HS3ST4: variants seen among roughly 807,000 people sequenced by gnomAD.
The protein encoded by HS3ST4 is heparan sulfate-glucosamine 3-sulfotransferase 4, also known as heparan sulfate glucosamine 3-O-sulfotransferase 4.
In HS3ST4, 17 loss-of-function variants were observed where a neutral mutation model predicts 29.2. That is an observed-to-expected ratio of 0.58 (90% CI 0.40 to 0.87). HS3ST4 has a LOEUF of 0.87. HS3ST4 is among the 40% of genes least tolerant of loss of function. The pLI, the probability that HS3ST4 is intolerant of heterozygous loss-of-function variation, is 0.00. For synonymous variants in HS3ST4, 314 were observed against 285.7 expected, an observed-to-expected ratio of 1.10 and a Z score of -1.00; for missense variants, 627 against 634.5, an observed-to-expected ratio of 0.99 and a Z score of 0.13.
intron 1 of HS3ST4, among the ~76,000 whole-genome samples, chr16:25,859,350 A>G (rs941106775): frequency 6.6e-6 from 1 of 152,232 alleles, no homozygotes; most frequent in Non-Finnish European, 1.5e-5. Context: ...CTATGAGTTT[A>G]CTATAGCATC....
Position 25,979,630 on chromosome 16 carries a change from C to T in HS3ST4, c.735-155982C>T, listed in dbSNP as rs567854847. On this transcript the variant is annotated intron_variant, in intron 1 of 1. Coordinates refer to ENST00000331351, the MANE Select transcript of HS3ST4 (RefSeq NM_006040.3). ...CAGGGCTCCCACTGATTCTACATTA[C>T]AGTGAGTTGTATAATTATTTCATTA... Among the ~76,000 whole-genome samples the T allele has an allele frequency of 3.9e-5, 6 of 152,262 alleles. No individual in the cohort carries two copies. The East Asian group carries it at 1.2e-3, about 29-fold the overall frequency.
At chr16:25,990,832 C>A (rs1245247042) in intron 1 of HS3ST4, among the ~76,000 whole-genome samples, 9 of 152,210 alleles carry the variant, frequency 5.9e-5, no homozygotes, top group Non-Finnish European at 1.3e-4. Context: ...GCCCTAGACA[C>A]ACAAGAGGGC....
Position 25,694,945 on chromosome 16 carries a change from G to A in HS3ST4, c.734+1794G>A, listed in dbSNP as rs535260326. Among the ~76,000 whole-genome samples, 8 of 152,208 alleles carry A rather than the reference G, an allele frequency of 5.3e-5. No homozygotes were observed. In the South Asian group the frequency reaches 8.3e-4, roughly 16 times the overall value. On this transcript the variant is annotated intron_variant, in intron 1 of 1. Coordinates refer to ENST00000331351, the MANE Select transcript of HS3ST4 (RefSeq NM_006040.3). ...AAAATAAAGTTAATGAAGGATGTGT[G>A]GTGGAATGTGTATCAGGAAGTCTTA...
chr16:25,934,515 C>T (rs1252321296), intron 1 of HS3ST4, among the ~76,000 whole-genome samples: 1 of 152,284 alleles, frequency 6.6e-6, no homozygotes, highest in Middle Eastern at 3.4e-3. Context: ...ATTGTGGGCT[C>T]CTGGATACTG....
intron 1 of HS3ST4, among the ~76,000 whole-genome samples, chr16:25,887,515 T>C (rs1330330978): frequency 6.6e-6 from 1 of 152,050 alleles, no homozygotes. Context: ...CAGATATAAA[T>C]AAATTCCCAC....
At chr16:25,717,689 G>A (rs1966465486) in intron 1 of HS3ST4, among the ~76,000 whole-genome samples, 1 of 152,130 alleles carries the variant, frequency 6.6e-6, no homozygotes, top group Non-Finnish European at 1.5e-5. Flanking sequence ...GGATGAAGCT[G>A]GAGAGGAAAG....
intron 1 of HS3ST4, among the ~76,000 whole-genome samples, chr16:25,795,279 C>T (rs536846829): frequency 1.3e-5 from 2 of 151,996 alleles, no homozygotes; most frequent in East Asian, 3.9e-4. Flanking sequence ...CCCCCCATCC[C>T]GCCTTTTCTT....
intron 1 of HS3ST4, among the ~76,000 whole-genome samples, chr16:26,135,093 G>A (rs1898261998): frequency 2.0e-5 from 3 of 151,768 alleles, no homozygotes; most frequent in Admixed American, 1.3e-4. Context: ...GGAGGCAGGA[G>A]GTAGTTTGCC....
intron 1 of HS3ST4, among the ~76,000 whole-genome samples, chr16:25,881,531 GT>G (rs1393030472): frequency 1.3e-5 from 2 of 152,168 alleles, no homozygotes; most frequent in African/African-American, 4.8e-5. Flanking sequence ...TTCAAAAGGG[GT>G]TGAGAGGCAA....
At position 25,811,341 on chromosome 16, in the gene HS3ST4, T is replaced by C. The variant is rs553760799; in HGVS notation, c.734+118190T>C. The stretch of plus-strand genomic sequence containing the variant: ...CATGAAGAAGAGGAAGATGAAGACC[T>C]TTCTGATTATCCACTTTCACTTAAT... On this transcript the variant is annotated intron_variant, in intron 1 of 1. Transcript: ENST00000331351. Among the ~76,000 whole-genome samples the C allele has an allele frequency of 2.0e-5, 3 of 152,254 alleles. No homozygotes were observed. The East Asian group carries it at 5.8e-4, about 29-fold the overall frequency.
chr16:26,074,822 C>T (rs985578667), intron 1 of HS3ST4, among the ~76,000 whole-genome samples: 1 of 152,128 alleles, frequency 6.6e-6, no homozygotes, highest in Admixed American at 6.5e-5. Flanking sequence ...GCACATGCCC[C>T]GACTCTGAGC....
intron 1 of HS3ST4, among the ~76,000 whole-genome samples, chr16:25,818,520 C>T (rs947370060): frequency 2.0e-5 from 3 of 152,186 alleles, no homozygotes; most frequent in African/African-American, 7.2e-5. Context: ...TCTAAAGTGT[C>T]ACTAGGGTTG....
chr16:25,845,230 C>T (rs12444316), intron 1 of HS3ST4, among the ~76,000 whole-genome samples: 21,518 of 152,012 alleles, frequency 0.14, 1,708 homozygotes, highest in Admixed American at 0.23. Flanking sequence ...AAATGTAGGC[C>T]GGGCACGGGG....
chr16:26,024,280 T>C (rs1969445641), intron 1 of HS3ST4, among the ~76,000 whole-genome samples: 1 of 151,412 alleles, frequency 6.6e-6, no homozygotes, highest in Admixed American at 6.6e-5. Context: ...CAGTGCATGG[T>C]ATCCAGGACA....
At chr16:25,805,971 C>G (rs961022450) in intron 1 of HS3ST4, among the ~76,000 whole-genome samples, 3 of 152,160 alleles carry the variant, frequency 2.0e-5, no homozygotes, top group Admixed American at 6.5e-5. Flanking sequence ...GTTTTCTGTT[C>G]CTGCGTTAGT....
At chr16:26,022,743 G>T (rs1014569327) in intron 1 of HS3ST4, among the ~76,000 whole-genome samples, 34 of 150,368 alleles carry the variant, frequency 2.3e-4, no homozygotes, top group Non-Finnish European at 4.3e-4. Flanking sequence ...CTCCTGGGCT[G>T]CTCAAGTAAT....
In HS3ST4 at chr16:25,952,242, G is replaced by A. The variant is rs755482856; in HGVS notation, c.735-183370G>A. 7.0e-4 allele frequency among the ~76,000 whole-genome samples: 106 copies of A among 152,280 alleles called. 2 individuals are homozygous for A. The highest frequency in any genetic ancestry group is 6.7e-4 in the African/African-American group (28 of 41,558). On this transcript the variant is annotated intron_variant, in intron 1 of 1. Coordinates refer to ENST00000331351, the MANE Select transcript of HS3ST4 (RefSeq NM_006040.3). The stretch of plus-strand genomic sequence containing the variant: ...AGTTTTCCAGGCTTGGTCCAAGGGC[G>A]AGCTTTCTTATGGGTCATTCAGTGT...
intron 1 of HS3ST4, among the ~76,000 whole-genome samples, chr16:25,806,979 T>G (rs1483797381): frequency 6.6e-6 from 1 of 152,132 alleles, no homozygotes; most frequent in Non-Finnish European, 1.5e-5. Context: ...TTGCCTTTTT[T>G]GTTTTGTTTT....
rs140447612 is a variant in HS3ST4, at chr16:25,739,629, C to T, written c.734+46478C>T. ...GAGCGATGACACTGTTCATCAGAGT[C>T]AAAGTGAATTGGATGGGTGATGTCT... On this transcript the variant is annotated intron_variant, in intron 1 of 1. Coordinates refer to ENST00000331351, the MANE Select transcript of HS3ST4 (RefSeq NM_006040.3). Among the ~76,000 whole-genome samples the T allele has an allele frequency of 2.3e-3, 355 of 152,278 alleles. 2 individuals are homozygous for T. Among genetic ancestry groups the T allele is most frequent in the African/African-American group, 8.1e-3 (336 of 41,540 alleles).
Sources: allele counts gnomAD v4.1 joint callset (sites outside exome capture counted in the v4.1 genomes callset), GRCh38; gene constraint gnomAD v4.1.1; transcripts MANE v1.5; gene names NCBI Gene and HGNC (gene_info 2026-07-23, HGNC 2026-07-21).